The following MGAM2 variants were observed in gnomAD, a reference collection of about 807,000 sequenced individuals.
MGAM2 encodes probable maltase-glucoamylase 2.
In MGAM2, 98 loss-of-function variants were observed where a neutral mutation model predicts 96.1. The observed-to-expected ratio is 1.02, with a 90% CI of 0.87 to 1.21. The LOEUF is 1.21. MGAM2 is among the 50% of genes most tolerant of loss of function. MGAM2 has a pLI of 0.00. For synonymous variants in MGAM2, 749 were observed against 414.8 expected (o/e 1.81, Z -9.79); for missense variants, 2,055 against 1,182.4 (o/e 1.74, Z -10.82).
intron 32 of MGAM2, among the ~76,000 whole-genome samples, chr7:142,176,431 A>G (rs556828258): frequency 6.1e-4 from 93 of 151,822 alleles, no homozygotes; most frequent in Non-Finnish European, 1.2e-3. Flanking sequence ...TGAACACAGT[A>G]TTTGAAAACC....
intron 45 of MGAM2, among the ~76,000 whole-genome samples, chr7:142,202,141 A>T (rs1797255962): frequency 6.6e-6 from 1 of 152,208 alleles, no homozygotes; most frequent in African/African-American, 2.4e-5. Flanking sequence ...CTATAGTCAC[A>T]GAAAGCAGAA....
chr7:142,138,406 G>A (rs1165054472), intron 9 of MGAM2, 136 bp from the exon 10 acceptor site: 3 of 582,564 alleles, frequency 5.1e-6, no homozygotes, highest in Non-Finnish European at 9.2e-6. Context: ...AGTAAAGAAG[G>A]ATGTGATTGT....
chr7:142,199,881 C>G lies in MGAM2; in HGVS notation c.5050C>G (p.Arg1684Gly). 3 of 603,016 alleles carry G rather than the reference C, an allele frequency of 5.0e-6. No individual in the cohort carries two copies. Among genetic ancestry groups the G allele is most frequent in the Admixed American group, 2.9e-5 (1 of 34,608 alleles). The allele number at this position is 603,016 out of a possible 1,614,324, so 37.4% of individuals were successfully genotyped here. A position where few individuals can be genotyped will look rare whatever the true frequency, so the allele number is the denominator to read the frequency against. Residue 1684 changes from arginine to glycine, a missense_variant and splice_region_variant, in exon 45 of 48, where the codon CGA (arginine) becomes GGA (glycine). Transcript: ENST00000477922. ...AACTCTTTTTTTTTTTTTTGGTAGT[C>G]GACAAAATTTTATGGGATTGATTGT... The part of the protein sequence containing the change: ...QEPAMNTHSS[R>G]QNFMGLIVAL...
chr7:142,162,083 A>G, intron 23 of MGAM2, 79 bp downstream of exon 23: 1 of 603,884 alleles, frequency 1.7e-6, no homozygotes, highest in South Asian at 2.1e-5. Flanking sequence ...TAATATAGAC[A>G]CATGGTTATG....
At chr7:142,194,688 A>ATGTGTGTGTG (rs1491431748) in intron 37 of MGAM2, among the ~76,000 whole-genome samples, 1 of 112,166 alleles carries the variant, frequency 8.9e-6, no homozygotes, top group African/African-American at 3.6e-5. Flanking sequence ...TTAATAGAAC[A>ATGTGTGTGTG]TGTGTGTATG....
At chr7:142,199,699 C>T (rs1003643146) in intron 44 of MGAM2, among the ~76,000 whole-genome samples, 181 bp from the exon 45 acceptor site, 12 of 152,068 alleles carry the variant, frequency 7.9e-5, no homozygotes, top group African/African-American at 1.9e-4. Context: ...AAATTTTAAA[C>T]GTTTTCCATT....
chr7:142,176,049 C>T (rs1796364540), intron 32 of MGAM2, among the ~76,000 whole-genome samples: 1 of 149,164 alleles, frequency 6.7e-6, no homozygotes, highest in South Asian at 2.2e-4. Context: ...AATTATTATT[C>T]TCTTGGTAAA....
chr7:142,183,354 A>T lies in MGAM2; in HGVS notation c.3905A>T (p.Asn1302Ile), dbSNP rs769565539. ...GTGTTCATCAAATGGCCTGACACCA[A>T]TGACATTGTCTGGGGAAAGGTAAGG... ...NNVFIKWPDTNDIVWGKVWPD... is the reference protein window; with the variant it reads ...NNVFIKWPDTIDIVWGKVWPD... Residue 1302 changes from asparagine to isoleucine, a missense_variant, in exon 33 of 48, where the codon AAT (asparagine) becomes ATT (isoleucine). Coordinates refer to ENST00000477922, the MANE Select transcript of MGAM2 (RefSeq NM_001293626.2). 1.4e-6 allele frequency: 1 copy of T among 702,956 alleles called. No individual in the cohort carries two copies. The highest frequency in any genetic ancestry group is 2.6e-6 in the Non-Finnish European group (1 of 384,958). 43.5% of individuals were successfully genotyped at this position (702,956 alleles called of 1,614,324 possible). A position where few individuals can be genotyped will look rare whatever the true frequency, so the allele number is the denominator to read the frequency against.
chr7:142,206,874 T>C (rs377573944), intron 45 of MGAM2, among the ~76,000 whole-genome samples: 1 of 152,250 alleles, frequency 6.6e-6, no homozygotes, highest in South Asian at 2.1e-4. Flanking sequence ...ATATAATGGC[T>C]GTTCAAGGAT....
At chr7:142,176,044 T>C (rs1033923709) in intron 32 of MGAM2, among the ~76,000 whole-genome samples, 2 of 151,898 alleles carry the variant, frequency 1.3e-5, no homozygotes, top group Non-Finnish European at 1.5e-5. Flanking sequence ...AATATAATTA[T>C]TATTCTCTTG....
chr7:142,154,551 G>A (rs1044213747), intron 16 of MGAM2, among the ~76,000 whole-genome samples, 178 bp from the exon 17 acceptor site: 6 of 152,196 alleles, frequency 3.9e-5, no homozygotes, highest in South Asian at 2.1e-4. Flanking sequence ...CAGTAAGTCC[G>A]TGATGGATTC....
chr7:142,171,519 C>A, intron 28 of MGAM2, 79 bp downstream of exon 28: 2 of 634,322 alleles, frequency 3.2e-6, no homozygotes, highest in East Asian at 2.8e-5. Context: ...ATATATGATA[C>A]CTTGCTCATC....
At chr7:142,189,902 G>A (rs2129097421) in intron 37 of MGAM2, among the ~76,000 whole-genome samples, 1 of 152,228 alleles carries the variant, frequency 6.6e-6, no homozygotes, top group Admixed American at 6.5e-5. Context: ...TCATAAAATG[G>A]AATCACACAA....
chr7:142,197,677 C>T lies in MGAM2; in HGVS notation c.4815C>T (p.Asp1605=). ...FTDDRTTWDI[D]RQFMLGPAIL... is the part of the protein sequence containing the mutation. ...ATGACAGGACAACATGGGATATAGA[C>T]CGTCAGTTCATGTTGGGCCCTGCTA... The change falls in exon 42 of 48, where the codon GAC becomes GAT. Residue 1605 remains aspartate (D), a synonymous_variant. Transcript: ENST00000477922. 2 of 702,760 alleles carry T rather than the reference C, an allele frequency of 2.8e-6. No homozygotes were observed. Among genetic ancestry groups the T allele is most frequent in the Non-Finnish European group, 2.6e-6 (1 of 384,974 alleles). The allele number at this position is 702,760 out of a possible 1,614,324, so 43.5% of individuals were successfully genotyped here.
At chr7:142,211,163 C>G (rs987710809) in intron 46 of MGAM2, among the ~76,000 whole-genome samples, 2 of 152,118 alleles carry the variant, frequency 1.3e-5, no homozygotes, top group African/African-American at 4.8e-5. Context: ...AAAAGGATGA[C>G]CATGCAAAAA....
chr7:142,158,817 T>C (rs1453668292), intron 19 of MGAM2, among the ~76,000 whole-genome samples: 2 of 152,102 alleles, frequency 1.3e-5, no homozygotes, highest in South Asian at 2.1e-4. Context: ...GGAGCAGGGG[T>C]AAGTGGCAAA....
At chr7:142,192,666 C>T (rs145674171) in intron 37 of MGAM2, among the ~76,000 whole-genome samples, 1 of 152,296 alleles carries the variant, frequency 6.6e-6, no homozygotes, top group East Asian at 1.9e-4. Flanking sequence ...CTACCAAAAG[C>T]TCAACTTTCC....
chr7:142,186,966 T>C (rs1452475643), intron 35 of MGAM2, among the ~76,000 whole-genome samples: 1 of 152,122 alleles, frequency 6.6e-6, no homozygotes, highest in East Asian at 1.9e-4. Context: ...GTATTTTTTT[T>C]TTTTTTCCAA....
chr7:142,117,981 A>AG (rs955429886), intron 2 of MGAM2, among the ~76,000 whole-genome samples: 3 of 151,888 alleles, frequency 2.0e-5, no homozygotes, highest in African/African-American at 7.3e-5. Flanking sequence ...ATGGGTTGAA[A>AG]GGGGGGCTTT....
Sources: allele counts gnomAD v4.1 joint callset (sites outside exome capture counted in the v4.1 genomes callset), GRCh38; gene constraint gnomAD v4.1.1; transcripts MANE v1.5; gene names NCBI Gene and HGNC (gene_info 2026-07-23, HGNC 2026-07-21).